The following ZNF90 variants were observed in gnomAD, a reference collection of about 807,000 sequenced individuals.
ZNF90 encodes zinc finger protein 90.
ZNF90 carries 11 observed loss-of-function variants against 12.0 expected under a neutral mutation model. That is an observed-to-expected ratio of 0.92 (90% CI 0.58 to 1.52). The LOEUF is 1.52. ZNF90 is among the 40% of genes most tolerant of loss of function. The probability of loss-of-function intolerance (pLI) is 0.00; values close to 1 mark genes in which losing one functional copy is unlikely to be tolerated. For missense variants in ZNF90, 765 were observed against 711.5 expected, an observed-to-expected ratio of 1.08 and a Z score of -0.86; for synonymous variants, 232 against 240.1, an observed-to-expected ratio of 0.97 and a Z score of 0.31.
Position 20,118,634 on chromosome 19 carries a change from G to A in ZNF90, c.1080G>A (p.Lys360=). 1 of 1,612,056 alleles carries A rather than the reference G, an allele frequency of 6.2e-7. No homozygotes were observed. Among genetic ancestry groups the A allele is most frequent in the Non-Finnish European group, 8.5e-7 (1 of 1,179,358 alleles). Residue 360 remains lysine (K), a synonymous_variant, in exon 4 of 4, where the codon AAG becomes AAA. Transcript: ENST00000418063. ...FRRSLVLRTH[K]RIHTGEKPYK... ...GCTCCTTAGTCCTTCGTACACATAA[G>A]AGAATTCATACTGGAGAGAAACCCT... is the stretch of plus-strand genomic sequence containing the variant.
At position 20,103,954 on chromosome 19, in the gene ZNF90, G is replaced by A. The variant is rs555656786; in HGVS notation, c.4-285G>A. ...ACTCATTCCGTATGATCTAAATATA[G>A]CACTCAAAAATGTACATGTTCATGT... On this transcript the variant is annotated intron_variant, in intron 1 of 3. Transcript: ENST00000418063. 2.0e-5 allele frequency among the ~76,000 whole-genome samples: 3 copies of A among 152,046 alleles called. No homozygotes were observed. The East Asian group carries it at 5.8e-4, about 29-fold the overall frequency.
intron 1 of ZNF90, among the ~76,000 whole-genome samples, chr19:20,100,108 A>G (rs2088977884): frequency 6.6e-6 from 1 of 152,178 alleles, no homozygotes; most frequent in Non-Finnish European, 1.5e-5. Flanking sequence ...CCTCCAGGAA[A>G]CCAAGCCCCA....
intron 1 of ZNF90, among the ~76,000 whole-genome samples, chr19:20,089,607 G>A (rs782145438): frequency 2.0e-5 from 3 of 152,126 alleles, no homozygotes; most frequent in Non-Finnish European, 4.4e-5. Context: ...GGTCCAAATA[G>A]GGGGGAAGTA....
intron 1 of ZNF90, among the ~76,000 whole-genome samples, chr19:20,084,076 T>TTTC (rs2088841249): frequency 6.6e-6 from 1 of 151,972 alleles, no homozygotes; most frequent in Non-Finnish European, 1.5e-5. Context: ...TTCTTTTTTT[T>TTTC]TTTTTGAGAC....
At chr19:20,084,073 T>TC (rs1555701809) in intron 1 of ZNF90, among the ~76,000 whole-genome samples, 5 of 135,134 alleles carry the variant, frequency 3.7e-5, no homozygotes, top group African/African-American at 8.3e-5. Context: ...ATTTTCTTTT[T>TC]TTTTTTTTGA....
chr19:20,111,597 T>TA (rs1353751590), intron 3 of ZNF90, among the ~76,000 whole-genome samples: 2 of 152,150 alleles, frequency 1.3e-5, no homozygotes, highest in Non-Finnish European at 2.9e-5. Flanking sequence ...TTCTAATAGT[T>TA]ATGTTCTCAT....
rs1339709330 is a variant in ZNF90 at position 20,119,549 on chromosome 19, A to G, written c.*189A>G. Reference sequence around the variant, plus strand: ...TTTAAGGAAGTTCTCAACCCTTACTACACATAATTCATACTGGACGGAAAC... The same window carrying G: ...TTTAAGGAAGTTCTCAACCCTTACTGCACATAATTCATACTGGACGGAAAC... On this transcript the variant is annotated 3_prime_UTR_variant, in exon 4 of 4. Coordinates refer to ENST00000418063, the MANE Select transcript of ZNF90 (RefSeq NM_007138.2). 2 of 586,296 alleles carry G rather than the reference A, an allele frequency of 3.4e-6. No individual in the cohort carries two copies. The highest frequency in any genetic ancestry group is 3.2e-5 in the Admixed American group (1 of 31,682). The allele number at this position is 586,296 out of a possible 1,614,324, so 36.3% of individuals were successfully genotyped here.
At chr19:20,112,457 G>A (rs1469154822) in intron 3 of ZNF90, among the ~76,000 whole-genome samples, 1 of 152,044 alleles carries the variant, frequency 6.6e-6, no homozygotes, top group African/African-American at 2.4e-5. Context: ...GACTAGCTGG[G>A]ACTACAGGTG....
At chr19:20,088,680 G>A (rs1410475302) in intron 1 of ZNF90, among the ~76,000 whole-genome samples, 3 of 152,072 alleles carry the variant, frequency 2.0e-5, no homozygotes, top group African/African-American at 7.2e-5. Flanking sequence ...TCAAGGCCTC[G>A]GCAGTTTTGG....
At chr19:20,086,147 T>C (rs564700743) in intron 1 of ZNF90, among the ~76,000 whole-genome samples, 4 of 152,322 alleles carry the variant, frequency 2.6e-5, no homozygotes, top group Admixed American at 2.6e-4. Flanking sequence ...TACCTTGCTT[T>C]CTATTACTTC....
intron 2 of ZNF90, among the ~76,000 whole-genome samples, chr19:20,104,611 A>C (rs1468585330): frequency 1.3e-5 from 2 of 152,218 alleles, no homozygotes; most frequent in Admixed American, 6.5e-5. Flanking sequence ...CCAGAAATTT[A>C]GTGGCATAAA....
rs57040506 is a variant in ZNF90, at chr19:20,091,504, C to A, written c.4-12735C>A. Among the ~76,000 whole-genome samples, 5 of 152,182 alleles carry A rather than the reference C, an allele frequency of 3.3e-5. No individual in the cohort carries two copies. In the East Asian group the frequency reaches 7.7e-4, roughly 24 times the overall value. On this transcript the variant is annotated intron_variant, in intron 1 of 3. Transcript: ENST00000418063. ...GAAGAGATTGATAGGTGGAAGTTTC[C>A]GTGGGGGAGTAGGTGGGAGTGACTG...
At chr19:20,115,882 G>T (rs536504433) in intron 3 of ZNF90, among the ~76,000 whole-genome samples, 4 of 151,768 alleles carry the variant, frequency 2.6e-5, no homozygotes, top group Non-Finnish European at 5.9e-5. Context: ...ATTTATTTCT[G>T]TATTTATTTT....
In ZNF90 at chr19:20,119,114, CT is replaced by C; in HGVS notation, c.1561del (p.Ser521ProfsTer9). The C allele has an allele frequency of 6.2e-7, 1 of 1,612,860 alleles. No individual in the cohort carries two copies. The highest frequency in any genetic ancestry group is 8.5e-7 in the Non-Finnish European group (1 of 1,179,520). ...CEECGKAFKR[S>X]SVLSKHKIIH... is the part of the protein sequence containing the mutation. ...AAGAATGTGGCAAAGCCTTCAAGCGCTCCTCAGTCCTTAGTAAACATAAGAT... is the reference window on the plus strand; with the variant it reads ...AAGAATGTGGCAAAGCCTTCAAGCGCCCTCAGTCCTTAGTAAACATAAGAT... On this transcript the variant is annotated frameshift_variant, in exon 4 of 4. Transcript: ENST00000418063. LOFTEE classifies it low-confidence loss of function (END_TRUNC).
chr19:20,104,433 T>C lies in ZNF90; in HGVS notation c.130+68T>C, dbSNP rs963299398. 4.6e-6 allele frequency: 7 copies of C among 1,517,356 alleles called. No individual in the cohort carries two copies. In the African/African-American group the frequency reaches 9.8e-5, roughly 21 times the overall value. 94.0% of individuals were successfully genotyped at this position (1,517,356 alleles called of 1,614,324 possible). ...GTTGTTTTTATGTTTTTTTGTGGAA[T>C]GATTTTTAGTAATGTATTGTTTGCA... On this transcript the variant is annotated intron_variant, in intron 2 of 3. Transcript: ENST00000418063.
intron 1 of ZNF90, among the ~76,000 whole-genome samples, chr19:20,101,840 A>G (rs527309949): frequency 1.6e-4 from 24 of 152,326 alleles, no homozygotes; most frequent in African/African-American, 5.3e-4. Context: ...CTGGACTGCC[A>G]TGCATTTAGC....
chr19:20,098,762 G>T (rs1477166283), intron 1 of ZNF90, among the ~76,000 whole-genome samples: 1 of 152,236 alleles, frequency 6.6e-6, no homozygotes, highest in Admixed American at 6.5e-5. Flanking sequence ...GCAGAATTGT[G>T]TCAGGCTGAC....
intron 3 of ZNF90, among the ~76,000 whole-genome samples, chr19:20,116,979 TAAAAA>T (rs35276420): frequency 1.3e-4 from 17 of 135,260 alleles, no homozygotes; most frequent in Admixed American, 1.1e-3. Flanking sequence ...TGTTTTTCTT[TAAAAA>T]AAAAAAAAAA....
At chr19:20,079,947 T>C in intron 1 of ZNF90, 4 of 393,378 alleles carry the variant, frequency 1.0e-5, no homozygotes, top group South Asian at 8.0e-5. Context: ...CTTTTTTTTT[T>C]TTTTTGAGAT....
Sources: allele counts gnomAD v4.1 joint callset (sites outside exome capture counted in the v4.1 genomes callset), GRCh38; gene constraint gnomAD v4.1.1; transcripts MANE v1.5; gene names NCBI Gene and HGNC (gene_info 2026-07-23, HGNC 2026-07-21).